The following FAM78A variants were observed in gnomAD, a reference collection of about 807,000 sequenced individuals.
The protein encoded by FAM78A is protein FAM78A.
A neutral mutation model predicts 22.6 loss-of-function variants in FAM78A; 12 were observed. That is an observed-to-expected ratio of 0.53 (90% confidence interval 0.34 to 0.86). The LOEUF (loss-of-function observed/expected upper bound fraction) is 0.86, where lower values mean the gene tolerates loss of function less well. Among genes scored for constraint, FAM78A ranks in the 40% least tolerant of loss-of-function variants. FAM78A has a pLI of 0.02. For synonymous variants in FAM78A, 151 were observed against 155.8 expected, an observed-to-expected ratio of 0.97 and a Z score of 0.23; for missense variants, 322 against 396.1, an observed-to-expected ratio of 0.81 and a Z score of 1.59.
Position 131,276,082 on chromosome 9 carries a change from A to T in FAM78A, c.98T>A (p.Val33Asp). 1.2e-6 allele frequency: 2 copies of T among 1,613,634 alleles called. No homozygotes were observed. The highest frequency in any genetic ancestry group is 1.7e-6 in the Non-Finnish European group (2 of 1,179,992). Reference sequence around the variant, plus strand: ...AATCACCGTGATCCCTTCCCGGAAGACTCTGGCTTTGCCTCCGATGCTCTG... The same window carrying T: ...AATCACCGTGATCCCTTCCCGGAAGTCTCTGGCTTTGCCTCCGATGCTCTG... ...CIQSIGGKAR[V>D]FREGITVIDV... The change falls in exon 1 of 2, where the codon GTC (valine) becomes GAC (aspartate). Residue 33 changes from valine to aspartate, a missense_variant. Physicochemically the swap from Val to Asp is radical, Grantham distance 152. Transcript: ENST00000372271. The surrounding 1 kb of genome is among the most constrained non-coding windows in gnomAD (Gnocchi z 4.3).
Position 131,265,559 on chromosome 9 carries a change from A to G in FAM78A, c.324-4209T>C, listed in dbSNP as rs1260285238. Among the ~76,000 whole-genome samples the G allele has an allele frequency of 6.6e-6, 1 of 151,460 alleles. No individual in the cohort carries two copies. On this transcript the variant is annotated intron_variant, in intron 1 of 1. Transcript: ENST00000372271. This position sits in a 1 kb window ranked among gnomAD's most constrained non-coding sequence, Gnocchi z 4.3. ...CCACCATGCCCGGCCTAATTTTTAT[A>G]TTTTTTTAGTAGAGACGGAGTTTCA...
In FAM78A at chr9:131,276,075, C is replaced by T. The variant is rs1835480434; in HGVS notation, c.105G>A (p.Arg35=). 1.2e-6 allele frequency: 2 copies of T among 1,613,712 alleles called. No individual in the cohort carries two copies. The highest frequency in any genetic ancestry group is 8.5e-7 in the Non-Finnish European group (1 of 1,180,046). ...TCACATCAATCACCGTGATCCCTTC[C>T]CGGAAGACTCTGGCTTTGCCTCCGA... ...QSIGGKARVF[R]EGITVIDVKA... Residue 35 remains arginine (R), a synonymous_variant, in exon 1 of 2, where the codon CGG becomes CGA. Transcript: ENST00000372271. This position sits in a 1 kb window ranked among gnomAD's most constrained non-coding sequence, Gnocchi z 4.3.
intron 1 of FAM78A, among the ~76,000 whole-genome samples, chr9:131,267,085 A>T (rs1835355225): frequency 1.3e-5 from 2 of 152,296 alleles, no homozygotes; most frequent in Middle Eastern, 3.4e-3. Flanking sequence ...TTAACAGAGG[A>T]GACTTACGGC....
At position 131,274,494 on chromosome 9, in the gene FAM78A, G is replaced by A. The variant is rs945722264; in HGVS notation, c.323+1363C>T. 7.9e-5 allele frequency among the ~76,000 whole-genome samples: 12 copies of A among 152,154 alleles called. No individual in the cohort carries two copies. The highest frequency in any genetic ancestry group is 8.8e-5 in the Non-Finnish European group (6 of 68,028). On this transcript the variant is annotated intron_variant, in intron 1 of 1. Transcript: ENST00000372271. The surrounding 1 kb of genome is among the most constrained non-coding windows in gnomAD (Gnocchi z 4.2). ...TACTAGCTGCTCTTGAGACACAAAG[G>A]GGTTGGCACAGAAATCAGGCTGGTG...
rs1289940744 is a variant in FAM78A, at chr9:131,261,492, G to T, written c.324-142C>A. 2 of 697,886 alleles carry T rather than the reference G, an allele frequency of 2.9e-6. No individual in the cohort carries two copies. The highest frequency in any genetic ancestry group is 4.6e-6 in the Non-Finnish European group (2 of 432,258). 43.2% of individuals were successfully genotyped at this position (697,886 alleles called of 1,614,324 possible). On this transcript the variant is annotated intron_variant, in intron 1 of 1. Coordinates refer to ENST00000372271, the MANE Select transcript of FAM78A (RefSeq NM_033387.4). The surrounding 1 kb of genome is among the most constrained non-coding windows in gnomAD (Gnocchi z 7.1). ...CCCGGTCCCCTTTGACGTTCTGGGG[G>T]CAGGGGGTCAGACAGTAGCTCGGAG... is the stretch of plus-strand genomic sequence containing the variant.
rs549574991 is a variant in FAM78A at position 131,274,225 on chromosome 9, G to A, written c.323+1632C>T. On this transcript the variant is annotated intron_variant, in intron 1 of 1. Transcript: ENST00000372271. The surrounding 1 kb of genome is among the most constrained non-coding windows in gnomAD (Gnocchi z 4.2). ...ACCAACCACATTAGCATCCAGTCCC[G>A]TGAGTGCTCATGTCTTTCCAAGTTC... 2.6e-5 allele frequency among the ~76,000 whole-genome samples: 4 copies of A among 152,348 alleles called. No individual in the cohort carries two copies. The highest frequency in any genetic ancestry group is 2.1e-4 in the South Asian group (1 of 4,828).
rs774730612 is a variant in FAM78A, at chr9:131,276,203, C to T, written c.-24G>A. On this transcript the variant is annotated 5_prime_UTR_variant, in exon 1 of 2. Coordinates refer to ENST00000372271, the MANE Select transcript of FAM78A (RefSeq NM_033387.4). This position sits in a 1 kb window ranked among gnomAD's most constrained non-coding sequence, Gnocchi z 4.3. ...ATTGAAAGGACAGAGGCTGCAGGAC[C>T]CAGTACAGACGGCGCTGCTCTCCAA... 1.9e-6 allele frequency: 3 copies of T among 1,587,810 alleles called. No homozygotes were observed. The highest frequency in any genetic ancestry group is 2.6e-6 in the Non-Finnish European group (3 of 1,163,614).
chr9:131,278,862 G>A (rs745441476), upstream of FAM78A, among the ~76,000 whole-genome samples: 1 of 152,258 alleles, frequency 6.6e-6, no homozygotes, highest in Non-Finnish European at 1.5e-5. Context: ...GCCCACAGCC[G>A]GCACAGGGCA....
chr9:131,279,954 C>A (rs1401377028), upstream of FAM78A, among the ~76,000 whole-genome samples: 2 of 152,176 alleles, frequency 1.3e-5, no homozygotes, highest in Non-Finnish European at 2.9e-5. Flanking sequence ...CAGGGCCAGC[C>A]CCTCAGAACT....
rs747074995 is a variant in FAM78A at position 131,261,735 on chromosome 9, G to C, written c.324-385C>G. On this transcript the variant is annotated intron_variant, in intron 1 of 1. Transcript: ENST00000372271. This position sits in a 1 kb window ranked among gnomAD's most constrained non-coding sequence, Gnocchi z 7.1. The stretch of plus-strand genomic sequence containing the variant: ...CATGCAACCCCACCCGGCAGATACA[G>C]AAAGTGAAGTGGTGGGCTGGGGGTG... Among the ~76,000 whole-genome samples the C allele has an allele frequency of 2.6e-5, 4 of 152,184 alleles. No individual in the cohort carries two copies. The highest frequency in any genetic ancestry group is 5.9e-5 in the Non-Finnish European group (4 of 68,032).
At position 131,272,064 on chromosome 9, in the gene FAM78A, A is replaced by C. The variant is rs1835428183; in HGVS notation, c.323+3793T>G. Among the ~76,000 whole-genome samples the C allele has an allele frequency of 6.6e-6, 1 of 152,156 alleles. No individual in the cohort carries two copies. The highest frequency in any genetic ancestry group is 2.4e-5 in the African/African-American group (1 of 41,444). On this transcript the variant is annotated intron_variant, in intron 1 of 1. Transcript: ENST00000372271. The surrounding 1 kb of genome is among the most constrained non-coding windows in gnomAD (Gnocchi z 4.1). ...GTTCCATTTCAAATATTTCAAACCCAGAATGTCATTCTAAAAAGTTATCCT... is the reference window on the plus strand; with the variant it reads ...GTTCCATTTCAAATATTTCAAACCCCGAATGTCATTCTAAAAAGTTATCCT...
intron 1 of FAM78A, among the ~76,000 whole-genome samples, chr9:131,271,574 A>G (rs1291579650): frequency 2.6e-5 from 4 of 152,192 alleles, no homozygotes; most frequent in Non-Finnish European, 5.9e-5. Flanking sequence ...CCTGCCATAC[A>G]TGGGCATGGG....
At chr9:131,266,163 C>A (rs1835341699) in intron 1 of FAM78A, among the ~76,000 whole-genome samples, 1 of 152,132 alleles carries the variant, frequency 6.6e-6, no homozygotes, top group South Asian at 2.1e-4. Context: ...ATGGCCTTAC[C>A]CCTCCCTGGT....
chr9:131,273,317 TG>T (rs1199736812), intron 1 of FAM78A, among the ~76,000 whole-genome samples: 1 of 152,228 alleles, frequency 6.6e-6, no homozygotes, highest in Non-Finnish European at 1.5e-5. Context: ...TCTGCCCGAC[TG>T]CTCCAAGCCG....
Position 131,272,837 on chromosome 9 carries a change from C to T in FAM78A, c.323+3020G>A, listed in dbSNP as rs1835436938. ...TCCCAGCTACTCTGGAGGCTGGAGC[C>T]GGAGAATCACTTGAACCCGGGAGGC... On this transcript the variant is annotated intron_variant, in intron 1 of 1. Coordinates refer to ENST00000372271, the MANE Select transcript of FAM78A (RefSeq NM_033387.4). The surrounding 1 kb of genome is among the most constrained non-coding windows in gnomAD (Gnocchi z 4.1). 1.3e-5 allele frequency among the ~76,000 whole-genome samples: 2 copies of T among 152,082 alleles called. No homozygotes were observed. The highest frequency in any genetic ancestry group is 6.5e-5 in the Admixed American group (1 of 15,270).
Position 131,267,913 on chromosome 9 carries a change from G to A in FAM78A, c.324-6563C>T, listed in dbSNP as rs192198813. 2.2e-3 allele frequency among the ~76,000 whole-genome samples: 339 copies of A among 152,210 alleles called. 5 individuals are homozygous for A. The highest frequency in any genetic ancestry group is 0.02 in the Admixed American group (310 of 15,280). Reference sequence around the variant, plus strand: ...ATATTTTAAAAAAAATTAGCTGGGCGTGGTGGCAGGCACCTGTAGTCCCAG... The same window carrying A: ...ATATTTTAAAAAAAATTAGCTGGGCATGGTGGCAGGCACCTGTAGTCCCAG... On this transcript the variant is annotated intron_variant, in intron 1 of 1. Transcript: ENST00000372271.
At chr9:131,264,588 T>A in intron 1 of FAM78A, 1 of 717,360 alleles carries the variant, frequency 1.4e-6, no homozygotes, top group East Asian at 2.7e-5. Flanking sequence ...ACTCACTGCC[T>A]GGTGCAGCCA....
In FAM78A at chr9:131,261,046, G is replaced by A; in HGVS notation, c.628C>T (p.His210Tyr). Residue 210 changes from histidine to tyrosine, a missense_variant, in exon 2 of 2, where the codon CAC becomes TAC. Physicochemically the swap from His to Tyr is moderately conservative, Grantham distance 83. Transcript: ENST00000372271. This position sits in a 1 kb window ranked among gnomAD's most constrained non-coding sequence, Gnocchi z 7.1. ...TCGATGCTGAGCTGCATGCGCCAGT[G>A]CAGCGTCTGCAGGATGATCATGTCG... is the stretch of plus-strand genomic sequence containing the variant. ...TNDMIILQTL[H>Y]WRMQLSIEVN... is the part of the protein sequence containing the mutation. The A allele has an allele frequency of 6.2e-7, 1 of 1,614,150 alleles. No homozygotes were observed. The highest frequency in any genetic ancestry group is 8.5e-7 in the Non-Finnish European group (1 of 1,180,012).
At chr9:131,269,004 C>T (rs971000582) in intron 1 of FAM78A, among the ~76,000 whole-genome samples, 1 of 150,386 alleles carries the variant, frequency 6.6e-6, no homozygotes, top group African/African-American at 2.5e-5. Context: ...CAAAACCAGC[C>T]TGACTAACAT....
Sources: gnomAD v4.1 joint callset for allele counts (sites outside exome capture counted in the v4.1 genomes callset) on GRCh38, gnomAD v4.1.1 for gene constraint, Gnocchi (gnomAD v3.1) non-coding constraint, MANE v1.5 for transcripts, NCBI Gene and HGNC (gene_info 2026-07-23, HGNC 2026-07-21) for gene names.